The following GNG12 variants were observed in gnomAD, a reference collection of about 807,000 sequenced individuals.
The protein encoded by GNG12 is G protein subunit gamma 12.
For synonymous variants in GNG12, 28 were observed against 29.7 expected (o/e 0.94, Z 0.19); for missense variants, 69 against 83.8 (o/e 0.82, Z 0.69).
intron 1 of GNG12, among the ~76,000 whole-genome samples, chr1:67,824,117 T>C (rs1432688805): frequency 2.6e-5 from 4 of 152,174 alleles, no homozygotes; most frequent in Admixed American, 6.5e-5. Flanking sequence ...GTTTACAAGT[T>C]GCTACTTGCA....
At chr1:67,723,787 C>T (rs1011690260) in intron 2 of GNG12, among the ~76,000 whole-genome samples, 2 of 152,208 alleles carry the variant, frequency 1.3e-5, no homozygotes, top group Non-Finnish European at 2.9e-5. Flanking sequence ...TGATTCTATG[C>T]TCTTTAACCA....
chr1:67,780,630 C>T (rs558656131), intron 1 of GNG12, among the ~76,000 whole-genome samples: 87 of 152,262 alleles, frequency 5.7e-4, no homozygotes, highest in African/African-American at 1.9e-3. Context: ...CTGATAAAAA[C>T]GCACCAGTAT....
At chr1:67,813,065 C>A (rs1321224587) in intron 1 of GNG12, among the ~76,000 whole-genome samples, 1 of 152,192 alleles carries the variant, frequency 6.6e-6, no homozygotes. Context: ...TGTAACATCC[C>A]ATAATTCTGT....
intron 1 of GNG12, among the ~76,000 whole-genome samples, chr1:67,811,690 T>C (rs1646926785): frequency 6.6e-6 from 1 of 152,206 alleles, no homozygotes; most frequent in Non-Finnish European, 1.5e-5. Context: ...AGCTGTACCC[T>C]ATTCACATCA....
intron 2 of GNG12, among the ~76,000 whole-genome samples, chr1:67,755,693 C>A (rs1646563670): frequency 6.6e-6 from 1 of 152,112 alleles, no homozygotes; most frequent in African/African-American, 2.4e-5. Context: ...CCTTATATAC[C>A]TCACTGTACT....
At chr1:67,723,549 T>C (rs1275878039) in intron 2 of GNG12, among the ~76,000 whole-genome samples, 2 of 152,246 alleles carry the variant, frequency 1.3e-5, no homozygotes, top group Non-Finnish European at 2.9e-5. Flanking sequence ...TTTTTCATTT[T>C]TTGGAATTAA....
At chr1:67,798,282 G>A (rs993954394) in intron 1 of GNG12, among the ~76,000 whole-genome samples, 31 of 152,192 alleles carry the variant, frequency 2.0e-4, no homozygotes, top group African/African-American at 6.3e-4. Context: ...GGTGAACTGT[G>A]CATGCGCAGA....
At position 67,702,493 on chromosome 1, in the gene GNG12, G is replaced by C. The variant is rs573764294; in HGVS notation, c.*2958C>G. The C allele has an allele frequency of 6.6e-6, 1 of 152,030 alleles. No individual in the cohort carries two copies. The highest frequency in any genetic ancestry group is 2.4e-5 in the African/African-American group (1 of 41,456). The allele number at this position is 152,030 out of a possible 1,614,324, so 9.4% of individuals were successfully genotyped here. A position where few individuals can be genotyped will look rare whatever the true frequency, so the allele number is the denominator to read the frequency against. ...TCCTGATAGTTTAAAGATTAGTAAA[G>C]TACAAAAACAGTCTAAATAGAGAAA... On this transcript the variant is annotated 3_prime_UTR_variant, in exon 4 of 4. Transcript: ENST00000370982.
chr1:67,802,739 C>T (rs995838655), intron 1 of GNG12, among the ~76,000 whole-genome samples: 16 of 152,176 alleles, frequency 1.1e-4, no homozygotes, highest in Admixed American at 3.9e-4. Flanking sequence ...TCTAGACAGC[C>T]TCAGTTCATT....
chr1:67,732,568 G>C (rs994250892), intron 2 of GNG12, among the ~76,000 whole-genome samples: 2 of 152,250 alleles, frequency 1.3e-5, no homozygotes, highest in Non-Finnish European at 2.9e-5. Context: ...CAGGAATCGA[G>C]TGGCAGGTCC....
intron 1 of GNG12, among the ~76,000 whole-genome samples, chr1:67,798,140 G>A (rs1646842911): frequency 1.3e-5 from 2 of 152,116 alleles, no homozygotes; most frequent in Admixed American, 1.3e-4. Context: ...GCATGGACTG[G>A]TCTGTTTGTG....
chr1:67,803,209 A>G lies in GNG12; in HGVS notation c.-76-25702T>C, dbSNP rs1012856916. On this transcript the variant is annotated intron_variant, in intron 1 of 3. Coordinates refer to ENST00000370982, the MANE Select transcript of GNG12 (RefSeq NM_018841.6). ...CCTTGATATTTATCCCATTAGGGAG[A>G]AAATTTTAATTTAAAGTTAGTTGGT... is the stretch of plus-strand genomic sequence containing the variant. Among the ~76,000 whole-genome samples, 4 of 143,024 alleles carry G rather than the reference A, an allele frequency of 2.8e-5. No homozygotes were observed. The East Asian group carries it at 8.5e-4, about 31-fold the overall frequency. The allele number at this position is 143,024 out of a possible 152,430, so 93.8% of individuals were successfully genotyped here.
At chr1:67,768,717 T>A (rs751260773) in intron 2 of GNG12, among the ~76,000 whole-genome samples, 16 of 152,232 alleles carry the variant, frequency 1.1e-4, no homozygotes, top group Non-Finnish European at 1.6e-4. Flanking sequence ...GTAACCATGT[T>A]CAAAGTGTCT....
At chr1:67,750,242 GA>G (rs1448877789) in intron 2 of GNG12, among the ~76,000 whole-genome samples, 9 of 152,182 alleles carry the variant, frequency 5.9e-5, no homozygotes, top group Non-Finnish European at 7.3e-5. Context: ...GGCTCTCCAG[GA>G]AAAATGAGAG....
chr1:67,777,149 C>T (rs1202498522), intron 2 of GNG12: 1 of 152,186 alleles, frequency 6.6e-6, no homozygotes, highest in East Asian at 1.9e-4. Context: ...TGAAATAACA[C>T]TCTGTTGTTT....
intron 2 of GNG12, among the ~76,000 whole-genome samples, chr1:67,746,241 G>A (rs1246401142): frequency 6.6e-6 from 1 of 152,158 alleles, no homozygotes; most frequent in Non-Finnish European, 1.5e-5. Context: ...AAAGGCCAGA[G>A]CCTTCTTTTT....
Position 67,704,500 on chromosome 1 carries a change from C to G in GNG12, c.*951G>C, listed in dbSNP as rs1646233636. 1 of 152,544 alleles carries G rather than the reference C, an allele frequency of 6.6e-6. No homozygotes were observed. Among genetic ancestry groups the G allele is most frequent in the Non-Finnish European group, 1.5e-5 (1 of 68,066 alleles). 9.4% of individuals were successfully genotyped at this position (152,544 alleles called of 1,614,324 possible). On this transcript the variant is annotated 3_prime_UTR_variant, in exon 4 of 4. Transcript: ENST00000370982. ...GAGAGCAGCTGTTTTTCACACATTC[C>G]TGCTCCTCTCTCAGCTGGGCTCATG...
chr1:67,737,523 A>C (rs1012418853), intron 2 of GNG12, among the ~76,000 whole-genome samples: 1 of 152,070 alleles, frequency 6.6e-6, no homozygotes. Context: ...AAGTTACTCA[A>C]TCCCCTTCCC....
intron 2 of GNG12, among the ~76,000 whole-genome samples, chr1:67,727,608 T>C (rs1646394463): frequency 6.6e-6 from 1 of 152,248 alleles, no homozygotes; most frequent in Non-Finnish European, 1.5e-5. Flanking sequence ...CCCAGCTGAA[T>C]TCTGGGAAAA....
Sources: gnomAD v4.1 joint callset for allele counts (sites outside exome capture counted in the v4.1 genomes callset) on GRCh38, gnomAD v4.1.1 for gene constraint, MANE v1.5 for transcripts, NCBI Gene and HGNC (gene_info 2026-07-23, HGNC 2026-07-21) for gene names.